Variants in KCNQ5 observed in about 807,000 individuals in gnomAD.
The protein encoded by KCNQ5 is potassium voltage-gated channel subfamily KQT member 5.
In KCNQ5, 30 loss-of-function variants were observed where a neutral mutation model predicts 98.2. That is an observed-to-expected ratio of 0.31 (90% CI 0.23 to 0.41). The LOEUF is 0.41. KCNQ5 is among the 10% of genes least tolerant of loss of function. KCNQ5 has a pLI of 1.00. For missense variants in KCNQ5, 835 were observed against 1,182.5 expected (o/e 0.71, Z 4.31); for synonymous variants, 458 against 449.4 (o/e 1.02, Z -0.24).
chr6:72,663,912 C>T (rs10943050), intron 1 of KCNQ5, among the ~76,000 whole-genome samples: 26,391 of 152,140 alleles, frequency 0.17, 2,417 homozygotes, highest in Middle Eastern at 0.28. Context: ...ACTTTGGCTA[C>T]CTATTTTCAG....
At chr6:73,034,839 CTTTTT>C (rs71669816) in intron 2 of KCNQ5, among the ~76,000 whole-genome samples, 1 of 113,540 alleles carries the variant, frequency 8.8e-6, no homozygotes, top group African/African-American at 3.1e-5. Context: ...TGCCTCTTTT[CTTTTT>C]TTTTTTTTTT....
At chr6:72,953,525 C>T (rs1766904457) in intron 1 of KCNQ5, among the ~76,000 whole-genome samples, 1 of 152,202 alleles carries the variant, frequency 6.6e-6, no homozygotes, top group Non-Finnish European at 1.5e-5. Context: ...ATGAATCATA[C>T]TAACCTGTAA....
intron 9 of KCNQ5, among the ~76,000 whole-genome samples, chr6:73,128,041 G>T (rs1776060418): frequency 6.6e-6 from 1 of 151,990 alleles, no homozygotes; most frequent in African/African-American, 2.4e-5. Context: ...CTCCAGCCTG[G>T]ATGACAGAGC....
At chr6:73,134,471 A>G (rs965983297) in intron 10 of KCNQ5, 1 of 152,544 alleles carries the variant, frequency 6.6e-6, no homozygotes, top group African/African-American at 2.4e-5. Context: ...AATAACGTGT[A>G]TTTTCCCAGG....
Position 72,962,268 on chromosome 6 carries a change from C to CAT in KCNQ5, c.399-41627_399-41626dup, listed in dbSNP as rs147877211. ...ATATATATACACACATATATATATA[C>CAT]ATATATATATATATGGGAGCTAAGC... On this transcript the variant is annotated intron_variant, in intron 1 of 13. Coordinates refer to ENST00000370398, the MANE Select transcript of KCNQ5 (RefSeq NM_019842.4). Among the ~76,000 whole-genome samples the CAT allele has an allele frequency of 2.1e-3, 284 of 132,332 alleles. 1 individual carries two copies. The highest frequency in any genetic ancestry group is 4.7e-3 in the African/African-American group (168 of 35,742). 86.8% of individuals were successfully genotyped at this position (132,332 alleles called of 152,430 possible). A position where few individuals can be genotyped will look rare whatever the true frequency, so the allele number is the denominator to read the frequency against.
chr6:72,902,009 A>G (rs1453934873), intron 1 of KCNQ5, among the ~76,000 whole-genome samples: 1 of 152,152 alleles, frequency 6.6e-6, no homozygotes, highest in East Asian at 1.9e-4. Context: ...TGTGTGTATC[A>G]TCTATGATTT....
intron 11 of KCNQ5, among the ~76,000 whole-genome samples, chr6:73,173,248 T>A (rs750035999): frequency 2.6e-5 from 4 of 152,200 alleles, no homozygotes; most frequent in Non-Finnish European, 5.9e-5. Context: ...CAAACTCACC[T>A]TTAGGAGTGA....
chr6:72,658,584 T>A (rs375081644), intron 1 of KCNQ5, among the ~76,000 whole-genome samples: 1,717 of 90,446 alleles, frequency 0.019, 21 homozygotes, highest in African/African-American at 0.055. Context: ...ATATATTTTT[T>A]TTTTTTTTTT....
At chr6:72,885,597 C>CA (rs1269108832) in intron 1 of KCNQ5, among the ~76,000 whole-genome samples, 7 of 152,202 alleles carry the variant, frequency 4.6e-5, no homozygotes, top group Admixed American at 3.9e-4. Flanking sequence ...ACATCACTTA[C>CA]AAAAATACAT....
chr6:73,056,583 T>C (rs899190647), intron 3 of KCNQ5, among the ~76,000 whole-genome samples: 1 of 151,992 alleles, frequency 6.6e-6, no homozygotes, highest in Admixed American at 6.6e-5. Context: ...TGTTTTAGAA[T>C]CCCTCCCTGC....
intron 1 of KCNQ5, among the ~76,000 whole-genome samples, chr6:72,750,434 C>G (rs1005537284): frequency 6.6e-6 from 1 of 151,882 alleles, no homozygotes; most frequent in African/African-American, 2.4e-5. Flanking sequence ...GTAAGATAAC[C>G]CTTAATAAAT....
intron 1 of KCNQ5, among the ~76,000 whole-genome samples, chr6:72,638,095 G>T (rs1039223058): frequency 2.0e-5 from 3 of 152,146 alleles, no homozygotes; most frequent in Non-Finnish European, 4.4e-5. Flanking sequence ...AGGACAGGAA[G>T]CATAATAGGA....
intron 1 of KCNQ5, among the ~76,000 whole-genome samples, chr6:72,833,133 G>A (rs1186281782): frequency 1.3e-5 from 2 of 152,186 alleles, no homozygotes; most frequent in African/African-American, 4.8e-5. Context: ...ACATGTGAAA[G>A]AATCTAAATA....
At chr6:72,787,239 A>C (rs1773804807) in intron 1 of KCNQ5, among the ~76,000 whole-genome samples, 1 of 152,200 alleles carries the variant, frequency 6.6e-6, no homozygotes, top group Non-Finnish European at 1.5e-5. Context: ...AAAATTGTAC[A>C]AAATTCAAAT....
chr6:73,089,181 G>A (rs886087812), intron 5 of KCNQ5, among the ~76,000 whole-genome samples: 6 of 152,238 alleles, frequency 3.9e-5, no homozygotes, highest in Middle Eastern at 6.8e-3. Flanking sequence ...GTAAGATAAA[G>A]TCCCAACCCA....
chr6:72,689,547 C>G (rs998724434), intron 1 of KCNQ5, among the ~76,000 whole-genome samples: 1 of 152,164 alleles, frequency 6.6e-6, no homozygotes, highest in African/African-American at 2.4e-5. Flanking sequence ...ACATTTCAGT[C>G]CCTTTAGAAA....
intron 1 of KCNQ5, among the ~76,000 whole-genome samples, chr6:72,780,199 T>G (rs930149430): frequency 6.6e-6 from 1 of 152,162 alleles, no homozygotes; most frequent in Non-Finnish European, 1.5e-5. Context: ...GTTAAGTAAC[T>G]TCTCCAAGTT....
chr6:72,768,400 A>G (rs1772686037), intron 1 of KCNQ5, among the ~76,000 whole-genome samples: 1 of 152,034 alleles, frequency 6.6e-6, no homozygotes. Flanking sequence ...CTTCTTCAAG[A>G]AATTTTGCTT....
intron 1 of KCNQ5, among the ~76,000 whole-genome samples, chr6:72,852,170 C>G (rs1024371335): frequency 6.6e-6 from 1 of 152,018 alleles, no homozygotes; most frequent in African/African-American, 2.4e-5. Flanking sequence ...GGACATATTT[C>G]ATGATATTTA....
Sources: gnomAD v4.1 joint callset for allele counts (sites outside exome capture counted in the v4.1 genomes callset) on GRCh38, gnomAD v4.1.1 for gene constraint, MANE v1.5 for transcripts, NCBI Gene and HGNC (gene_info 2026-07-23, HGNC 2026-07-21) for gene names.